Variants in TRIM24 observed in about 807,000 individuals in gnomAD.
TRIM24 encodes the protein tripartite motif containing 24.
A neutral mutation model predicts 123.9 loss-of-function variants in TRIM24; 29 were observed. That is an observed-to-expected ratio of 0.23 (90% CI 0.17 to 0.32). The LOEUF (loss-of-function observed/expected upper bound fraction) is 0.32. TRIM24 is among the 10% of genes least tolerant of loss of function. The pLI, the probability that TRIM24 is intolerant of heterozygous loss-of-function variation, is 1.00. For missense variants in TRIM24, 932 were observed against 1,295.3 expected (o/e 0.72, Z 4.31); for synonymous variants, 456 against 461.1 (o/e 0.99, Z 0.14).
intron 1 of TRIM24, among the ~76,000 whole-genome samples, chr7:138,488,740 C>T (rs1478336617): frequency 6.6e-6 from 1 of 152,190 alleles, no homozygotes; most frequent in Non-Finnish European, 1.5e-5. Flanking sequence ...TGTTCTTTTA[C>T]ATTTACTGAG....
In TRIM24 at chr7:138,579,261, A is replaced by G. The variant is rs747352735; in HGVS notation, c.2314A>G (p.Thr772Ala). 1 of 1,613,740 alleles carries G rather than the reference A, an allele frequency of 6.2e-7. No individual in the cohort carries two copies. The highest frequency in any genetic ancestry group is 1.1e-5 in the South Asian group (1 of 91,016). ...SLLLNSSQSSTSEETVLRSDA... is the reference protein window; with the variant it reads ...SLLLNSSQSSASEETVLRSDA... ...GCTCTTAAATAGCAGTCAGAGCTCTACTTCTGAGGAGACTGTGCTAAGATC... is the reference window on the plus strand; with the variant it reads ...GCTCTTAAATAGCAGTCAGAGCTCTGCTTCTGAGGAGACTGTGCTAAGATC... Residue 772 changes from threonine to alanine, a missense_variant, in exon 15 of 19, where the codon ACT becomes GCT. By Grantham distance (58) the Thr-to-Ala change is moderately conservative. This residue lies in a region of TRIM24 where 527 missense variants were observed against 691.3 expected (regional missense o/e 0.76). Transcript: ENST00000343526.
intron 1 of TRIM24, among the ~76,000 whole-genome samples, chr7:138,475,528 C>T (rs34718165): frequency 0.099 from 14,998 of 152,138 alleles, 826 homozygotes; most frequent in South Asian, 0.15. Flanking sequence ...TGTTTTCTTT[C>T]GTTGCTGTTT....
chr7:138,510,422 T>C (rs113237659), intron 2 of TRIM24, among the ~76,000 whole-genome samples: 29 of 152,214 alleles, frequency 1.9e-4, no homozygotes, highest in African/African-American at 6.7e-4. Context: ...TTTGTTTGTT[T>C]GTTTGTTTGT....
At chr7:138,520,990 A>G (rs1014730950) in intron 4 of TRIM24, among the ~76,000 whole-genome samples, 3 of 152,232 alleles carry the variant, frequency 2.0e-5, no homozygotes, top group Admixed American at 2.0e-4. Flanking sequence ...TTCAGCCCAT[A>G]TTTAAGAAGT....
Position 138,567,575 on chromosome 7 carries a change from C to T in TRIM24, c.1625C>T (p.Pro542Leu). ...PPHPQQLRYPPNQNIPRQAIK... is the reference protein window; with the variant it reads ...PPHPQQLRYPLNQNIPRQAIK... ...CATCCTCAACAACTGAGATATCCAC[C>T]AAACCAGAACATACCACGACAAGCA... The change falls in exon 10 of 19, where the codon CCA becomes CTA. Residue 542 changes from proline (P) to leucine (L), a missense_variant. By Grantham distance (98) the Pro-to-Leu change is moderately conservative. Around this residue, in one of 7 missense-constraint regions of TRIM24, gnomAD observed 527 missense variants for 691.3 expected, o/e 0.76. Coordinates refer to ENST00000343526, the MANE Select transcript of TRIM24 (RefSeq NM_015905.3). The T allele has an allele frequency of 6.2e-7, 1 of 1,613,964 alleles. No individual in the cohort carries two copies. The highest frequency in any genetic ancestry group is 1.1e-5 in the South Asian group (1 of 91,066).
chr7:138,507,109 A>G (rs902847418), intron 2 of TRIM24, among the ~76,000 whole-genome samples: 23 of 152,254 alleles, frequency 1.5e-4, no homozygotes, highest in African/African-American at 3.9e-4. Context: ...TGTAAAGTAG[A>G]GGTGTCATCC....
intron 14 of TRIM24, among the ~76,000 whole-genome samples, chr7:138,578,566 G>A (rs974923823): frequency 2.0e-4 from 26 of 132,180 alleles, no homozygotes; most frequent in African/African-American, 6.3e-4. Context: ...GTGTGTGTGC[G>A]CGCACGCACG....
chr7:138,531,192 T>C (rs1317704526), intron 6 of TRIM24, among the ~76,000 whole-genome samples: 1 of 42,208 alleles, frequency 2.4e-5, no homozygotes, highest in Non-Finnish European at 6.1e-5. Context: ...TGTATATGTA[T>C]ACATGTATAC....
At chr7:138,519,691 A>G (rs547551888) in intron 4 of TRIM24, among the ~76,000 whole-genome samples, 22 of 152,336 alleles carry the variant, frequency 1.4e-4, no homozygotes, top group African/African-American at 5.0e-4. Context: ...TTTAAAATAT[A>G]TAGAACTAGT....
intron 6 of TRIM24, among the ~76,000 whole-genome samples, chr7:138,531,278 T>TACATATGTATACATGTGCC (rs1419814939): frequency 6.7e-6 from 1 of 148,670 alleles, no homozygotes; most frequent in South Asian, 2.1e-4. Context: ...TTACATGTGT[T>TACATATGTATACATGTGCC]ACATATGTAT....
chr7:138,462,525 A>C (rs1171215077), intron 1 of TRIM24, among the ~76,000 whole-genome samples: 1 of 151,144 alleles, frequency 6.6e-6, no homozygotes, highest in Non-Finnish European at 1.5e-5. Flanking sequence ...TATTTTTAGT[A>C]GAGACGGGGT....
intron 9 of TRIM24, among the ~76,000 whole-genome samples, chr7:138,555,743 A>G (rs531967392): frequency 2.0e-5 from 3 of 152,114 alleles, no homozygotes; most frequent in African/African-American, 7.2e-5. Flanking sequence ...CAGCCTCCCA[A>G]AGTGCTGGGA....
chr7:138,533,971 C>A lies in TRIM24; in HGVS notation c.997-4686C>A, dbSNP rs547955513. Among the ~76,000 whole-genome samples the A allele has an allele frequency of 2.1e-3, 326 of 152,240 alleles. 2 individuals are homozygous for A. Among genetic ancestry groups the A allele is most frequent in the African/African-American group, 7.4e-3 (307 of 41,530 alleles). On this transcript the variant is annotated intron_variant, in intron 6 of 18. Transcript: ENST00000343526. ...GGGTGTATATGTCGAGGAATTTATC[C>A]ATTTCTTCTAAATTTTCTAGTTTAT...
At chr7:138,486,939 A>T (rs909303096) in intron 1 of TRIM24, among the ~76,000 whole-genome samples, 1 of 152,140 alleles carries the variant, frequency 6.6e-6, no homozygotes, top group Non-Finnish European at 1.5e-5. Context: ...AGTATGGCCA[A>T]TTTCACAATA....
At chr7:138,498,377 A>G (rs143594330) in intron 1 of TRIM24, among the ~76,000 whole-genome samples, 1,564 of 151,902 alleles carry the variant, frequency 0.01, 10 homozygotes, top group Middle Eastern at 0.021. Flanking sequence ...GGCGCCTGCC[A>G]TCACACCAGG....
chr7:138,556,332 C>T (rs1797315569), intron 9 of TRIM24: 1 of 152,130 alleles, frequency 6.6e-6, no homozygotes. Context: ...TTGCTGGCCA[C>T]TCTTGAAAGT....
chr7:138,467,011 A>G (rs1287688816), intron 1 of TRIM24, among the ~76,000 whole-genome samples: 1 of 152,174 alleles, frequency 6.6e-6, no homozygotes, highest in Non-Finnish European at 1.5e-5. Context: ...TGTATGTTAA[A>G]ACACCATTTA....
intron 6 of TRIM24, among the ~76,000 whole-genome samples, chr7:138,534,149 T>G (rs952892633): frequency 1.3e-5 from 2 of 152,192 alleles, no homozygotes; most frequent in Non-Finnish European, 2.9e-5. Flanking sequence ...TTGTTGATCT[T>G]TTCAAAAAAA....
intron 1 of TRIM24, among the ~76,000 whole-genome samples, chr7:138,494,130 T>A (rs1253347997): frequency 6.6e-6 from 1 of 151,866 alleles, no homozygotes; most frequent in Non-Finnish European, 1.5e-5. Flanking sequence ...TACAGGCACC[T>A]GCCACCATGC....
Sources: gnomAD v4.1 joint callset for allele counts (sites outside exome capture counted in the v4.1 genomes callset) on GRCh38, gnomAD v4.1.1 for gene constraint, gnomAD v4.1.1 regional missense constraint, MANE v1.5 for transcripts, NCBI Gene and HGNC (gene_info 2026-07-23, HGNC 2026-07-21) for gene names.